The following OARD1 variants were observed in gnomAD, a reference collection of about 807,000 sequenced individuals.
OARD1 encodes the protein ADP-ribose glycohydrolase OARD1.
OARD1 carries 19 observed loss-of-function variants against 19.7 expected under a neutral mutation model. The observed-to-expected ratio is 0.96, with a 90% CI of 0.67 to 1.41. The LOEUF (loss-of-function observed/expected upper bound fraction) is 1.41. Among genes scored for constraint, OARD1 ranks in the 40% most tolerant of loss-of-function variants. OARD1 has a pLI of 0.00. For synonymous variants in OARD1, 70 were observed against 61.8 expected (o/e 1.13, Z -0.62); for missense variants, 190 against 183.8 (o/e 1.03, Z -0.20).
At chr6:41,097,381 G>A (rs1764390719) in intron 1 of OARD1, 2 of 1,614,028 alleles carry the variant, frequency 1.2e-6, no homozygotes, top group Non-Finnish European at 1.7e-6. Flanking sequence ...CGATGAAGAA[G>A]CAATGACACA....
chr6:41,067,269 G>C lies in OARD1; in HGVS notation c.*66C>G, dbSNP rs1243348346. ...CCTCTGCCTATTTTAAGGTAGGTTTGCCCGGTCCTATGGCCCAGTAGAGAT... is the reference window on the plus strand; with the variant it reads ...CCTCTGCCTATTTTAAGGTAGGTTTCCCCGGTCCTATGGCCCAGTAGAGAT... On this transcript the variant is annotated 3_prime_UTR_variant, in exon 6 of 6. Coordinates refer to ENST00000424266, the MANE Select transcript of OARD1 (RefSeq NM_001329686.2). 4 of 978,980 alleles carry C rather than the reference G, an allele frequency of 4.1e-6. No homozygotes were observed. In the African/African-American group the frequency reaches 4.8e-5, roughly 12 times the overall value. 60.6% of individuals were successfully genotyped at this position (978,980 alleles called of 1,614,324 possible). A position where few individuals can be genotyped will look rare whatever the true frequency, so the allele number is the denominator to read the frequency against.
chr6:41,068,185 C>T (rs966855957), intron 5 of OARD1, among the ~76,000 whole-genome samples: 5 of 152,006 alleles, frequency 3.3e-5, no homozygotes, highest in Non-Finnish European at 4.4e-5. Flanking sequence ...TAATGTGGGG[C>T]GCAAGATAAA....
Position 41,067,122 on chromosome 6 carries a change from T to A in OARD1, c.*213A>T, listed in dbSNP as rs1312804035. 1.8e-5 allele frequency: 6 copies of A among 339,666 alleles called. No homozygotes were observed. Among genetic ancestry groups the A allele is most frequent in the Non-Finnish European group, 2.7e-5 (5 of 182,816 alleles). The allele number at this position is 339,666 out of a possible 1,614,324, so 21.0% of individuals were successfully genotyped here. Reference sequence around the variant, plus strand: ...ATTATCAAGCCACCTAACTCCTTACTTTTCCACAAAAAAACACAACCACAT... The same window carrying A: ...ATTATCAAGCCACCTAACTCCTTACATTTCCACAAAAAAACACAACCACAT... On this transcript the variant is annotated 3_prime_UTR_variant, in exon 6 of 6. Coordinates refer to ENST00000424266, the MANE Select transcript of OARD1 (RefSeq NM_001329686.2).
chr6:41,088,623 G>T (rs1764113559), intron 1 of OARD1, among the ~76,000 whole-genome samples: 1 of 151,862 alleles, frequency 6.6e-6, no homozygotes, highest in Admixed American at 6.6e-5. Context: ...TCGCTCTGTT[G>T]CCTAGGCTGG....
At chr6:41,091,461 A>ACT in intron 1 of OARD1, 1 of 1,507,394 alleles carries the variant, frequency 6.6e-7, no homozygotes, top group Admixed American at 1.8e-5. Flanking sequence ...AGAGGGACTA[A>ACT]CTATGTTCCC....
At position 41,067,410 on chromosome 6, in the gene OARD1, T is replaced by C. The variant is rs1348825726; in HGVS notation, c.384A>G (p.Gln128=). Residue 128 remains glutamine, a synonymous_variant, in exon 6 of 6, where the codon CAA becomes CAG. Transcript: ENST00000424266. Reference sequence around the variant, plus strand: ...CGATCATCGCAGATACATTTTCCCATTGCAGACGATCAAGACCACATCCAA... The same window carrying C: ...CGATCATCGCAGATACATTTTCCCACTGCAGACGATCAAGACCACATCCAA... ...PRIGCGLDRL[Q]WENVSAMIEE... 2 of 1,613,582 alleles carry C rather than the reference T, an allele frequency of 1.2e-6. No homozygotes were observed. The highest frequency in any genetic ancestry group is 3.3e-5 in the Admixed American group (2 of 59,986).
intron 2 of OARD1, 84 bp from the exon 3 acceptor site, chr6:41,071,360 C>A: frequency 7.4e-7 from 1 of 1,351,066 alleles, no homozygotes; most frequent in Non-Finnish European, 1.0e-6. Context: ...GTGTCCCCCA[C>A]GACTACCTCT....
In OARD1 at chr6:41,066,887, C is replaced by T. The variant is rs1763034270; in HGVS notation, c.*448G>A. ...TTGTAATTAAAACAAAAACTCTCCC[C>T]TAGGAGGAATCTGATGACATAAGGA... On this transcript the variant is annotated 3_prime_UTR_variant, in exon 6 of 6. Transcript: ENST00000424266. 1.3e-5 allele frequency: 2 copies of T among 152,392 alleles called. No homozygotes were observed. The highest frequency in any genetic ancestry group is 6.5e-5 in the Admixed American group (1 of 15,296). The allele number at this position is 152,392 out of a possible 1,614,324, so 9.4% of individuals were successfully genotyped here. A position where few individuals can be genotyped will look rare whatever the true frequency, so the allele number is the denominator to read the frequency against.
In OARD1 at chr6:41,081,472, AG is replaced by A. The variant is rs539708537; in HGVS notation, c.-41-9798del. On this transcript the variant is annotated intron_variant, in intron 1 of 4. Transcript: ENST00000480585. ...GCCACTGCACTCCAGCCTGGGTGAC[AG>A]AGCGAGACTCCGTCTCAAAAAAAAA... 1.4e-4 allele frequency among the ~76,000 whole-genome samples: 21 copies of A among 151,946 alleles called. No homozygotes were observed. In the East Asian group the frequency reaches 4.1e-3, roughly 29 times the overall value.
chr6:41,073,572 C>T (rs1280964705), upstream of OARD1, among the ~76,000 whole-genome samples: 2 of 151,922 alleles, frequency 1.3e-5, no homozygotes, highest in Non-Finnish European at 2.9e-5. Context: ...GCCCCCCGCT[C>T]CCCGCTCCCA....
chr6:41,072,493 CG>C (rs1324840985), upstream of OARD1: 1 of 152,278 alleles, frequency 6.6e-6, no homozygotes, highest in Non-Finnish European at 1.5e-5. Context: ...CGCCCGGTAG[CG>C]GGGCGGAAAC....
chr6:41,081,227 C>T (rs562899207), intron 1 of OARD1, among the ~76,000 whole-genome samples: 2 of 152,108 alleles, frequency 1.3e-5, no homozygotes, highest in Non-Finnish European at 2.9e-5. Context: ...CGGTGGCTCA[C>T]GCCTGTAATC....
Position 41,064,998 on chromosome 6 carries a change from G to GGAATAAT in OARD1, c.*2336_*2337insATTATTC, listed in dbSNP as rs1244093796. 6.6e-6 allele frequency: 1 copy of GGAATAAT among 151,732 alleles called. No homozygotes were observed. Among genetic ancestry groups the GGAATAAT allele is most frequent in the Non-Finnish European group, 1.5e-5 (1 of 67,982 alleles). 9.4% of individuals were successfully genotyped at this position (151,732 alleles called of 1,614,324 possible). On this transcript the variant is annotated 3_prime_UTR_variant, in exon 6 of 6. Transcript: ENST00000424266. ...CCGGGTGTTTGCCAAACTCTAACTA[G>GGAATAAT]GTTTCCAGGAATAATGTGTTCACTC...
At chr6:41,077,511 A>C (rs115202236), upstream of OARD1, among the ~76,000 whole-genome samples, 891 of 150,102 alleles carry the variant, frequency 5.9e-3, 4 homozygotes, top group Non-Finnish European at 9.8e-3. Context: ...TTACATCATA[A>C]CCTTAATTTT....
intron 4 of OARD1, chr6:41,069,832 T>C (rs1763230256): frequency 3.6e-6 from 2 of 559,998 alleles, no homozygotes; most frequent in Non-Finnish European, 6.4e-6. Flanking sequence ...AGGCCTATGG[T>C]ACATGATACA....
At chr6:41,096,616 A>G (rs1764363209) in intron 1 of OARD1, among the ~76,000 whole-genome samples, 1 of 152,216 alleles carries the variant, frequency 6.6e-6, no homozygotes, top group Non-Finnish European at 1.5e-5. Flanking sequence ...TTCCATCTCC[A>G]GAAGGCTTTC....
chr6:41,089,374 A>C (rs1764137362), intron 1 of OARD1, among the ~76,000 whole-genome samples: 1 of 152,238 alleles, frequency 6.6e-6, no homozygotes, highest in African/African-American at 2.4e-5. Flanking sequence ...TGTTAATATC[A>C]GGTATCCAGA....
chr6:41,091,692 A>G, intron 1 of OARD1: 1 of 1,608,046 alleles, frequency 6.2e-7, no homozygotes, highest in East Asian at 2.2e-5. Context: ...AGGGATGGTC[A>G]TGGTAAGAAA....
rs1430960666 is a variant in OARD1, at chr6:41,071,243, G to A, written c.73C>T (p.Pro25Ser). Residue 25 changes from proline to serine, a missense_variant, in exon 3 of 6, where the codon CCG (proline) becomes TCG (serine). Physicochemically the swap from Pro to Ser is moderately conservative, Grantham distance 74. Transcript: ENST00000424266. ...TYVKGDLFAC[P>S]KTDSLAHCIS... ...CAGTGGGCTAAAGAGTCTGTTTTCG[G>A]GCATGCAAAAAGGTCTCCTTTCACA... 6.2e-7 allele frequency: 1 copy of A among 1,614,028 alleles called. No individual in the cohort carries two copies. Among genetic ancestry groups the A allele is most frequent in the Non-Finnish European group, 8.5e-7 (1 of 1,179,920 alleles).
Sources: gnomAD v4.1 joint callset for allele counts (sites outside exome capture counted in the v4.1 genomes callset) on GRCh38, gnomAD v4.1.1 for gene constraint, MANE v1.5 for transcripts, NCBI Gene and HGNC (gene_info 2026-07-23, HGNC 2026-07-21) for gene names.